RBFOX1: variants seen among roughly 807,000 people sequenced by gnomAD.
RBFOX1 encodes RNA binding protein fox-1 homolog 1.
Under a neutral mutation model 57.7 loss-of-function variants are expected in RBFOX1, and 8 were observed. That is an observed-to-expected ratio of 0.14 (90% CI 0.08 to 0.25). The LOEUF (loss-of-function observed/expected upper bound fraction) is 0.25, where lower values mean the gene tolerates loss of function less well. Among genes scored for constraint, RBFOX1 ranks in the 10% least tolerant of loss-of-function variants. The pLI, the probability that RBFOX1 is intolerant of heterozygous loss-of-function variation, is 1.00. For synonymous variants in RBFOX1, 326 were observed against 222.4 expected (o/e 1.47, Z -4.15); for missense variants, 611 against 548.5 (o/e 1.11, Z -1.14).
intron 2 of RBFOX1, among the ~76,000 whole-genome samples, chr16:5,476,612 A>G (rs1045304816): frequency 6.6e-6 from 1 of 152,238 alleles, no homozygotes; most frequent in South Asian, 2.1e-4. Flanking sequence ...GCAAAGTAAG[A>G]TAAATTAAGT....
At chr16:6,183,409 G>A (rs1384275647) in intron 1 of RBFOX1, among the ~76,000 whole-genome samples, 1 of 151,936 alleles carries the variant, frequency 6.6e-6, no homozygotes, top group Non-Finnish European at 1.5e-5. Flanking sequence ...GAACTCGGGA[G>A]GTGGAGGTTG....
chr16:7,411,516 A>G lies in RBFOX1; in HGVS notation c.28-106631A>G, dbSNP rs568744619. 9.3e-4 allele frequency among the ~76,000 whole-genome samples: 141 copies of G among 152,272 alleles called. 1 individual carries two copies. Among genetic ancestry groups the G allele is most frequent in the African/African-American group, 3.3e-3 (139 of 41,554 alleles). On this transcript the variant is annotated intron_variant, in intron 4 of 15. Transcript: ENST00000550418. ...TGGAATAACTCTTTTCTTCCCCCAA[A>G]TCTATAACCCCAGTCTAATTGTAAG...
chr16:6,071,501 C>G (rs558728724), intron 1 of RBFOX1, among the ~76,000 whole-genome samples: 101 of 151,614 alleles, frequency 6.7e-4, no homozygotes, highest in African/African-American at 2.4e-3. Flanking sequence ...TATAACAAAC[C>G]TGCATGTGTA....
At chr16:6,807,150 A>G (rs766700362) in intron 3 of RBFOX1, among the ~76,000 whole-genome samples, 10 of 151,740 alleles carry the variant, frequency 6.6e-5, no homozygotes, top group Non-Finnish European at 1.0e-4. Context: ...TTTCCTTTTA[A>G]TAAAACACTG....
At chr16:6,128,953 A>G (rs2096609825) in intron 1 of RBFOX1, among the ~76,000 whole-genome samples, 1 of 152,330 alleles carries the variant, frequency 6.6e-6, no homozygotes, top group South Asian at 2.1e-4. Flanking sequence ...CAAGATGGAA[A>G]CAGACCCACC....
At position 6,393,241 on chromosome 16, in the gene RBFOX1, C is replaced by G. The variant is rs552655589; in HGVS notation, c.-64+76184C>G. 1.4e-4 allele frequency among the ~76,000 whole-genome samples: 21 copies of G among 152,270 alleles called. 1 individual carries two copies. The South Asian group carries it at 3.9e-3, about 29-fold the overall frequency. On this transcript the variant is annotated intron_variant, in intron 2 of 15. Coordinates refer to ENST00000550418, the MANE Select transcript of RBFOX1 (RefSeq NM_018723.4). ...CATTTTTCTAAAACAAATTAAATGA[C>G]TCTGAGCATCCAGTCATTAGGGTTT... is the stretch of plus-strand genomic sequence containing the variant.
chr16:6,405,797 G>A (rs2093259664), intron 2 of RBFOX1, among the ~76,000 whole-genome samples: 1 of 152,206 alleles, frequency 6.6e-6, no homozygotes. Context: ...GTTTCAAGGA[G>A]TAGTGGCAGG....
At chr16:7,426,161 A>G (rs1448882037) in intron 4 of RBFOX1, among the ~76,000 whole-genome samples, 1 of 152,242 alleles carries the variant, frequency 6.6e-6, no homozygotes. Context: ...GGCAGGGTCT[A>G]CACCTTCCAG....
intron 3 of RBFOX1, among the ~76,000 whole-genome samples, chr16:6,869,015 A>G (rs1222056432): frequency 6.6e-6 from 1 of 152,190 alleles, no homozygotes; most frequent in Non-Finnish European, 1.5e-5. Flanking sequence ...CAAAAAACAA[A>G]AGTTCCAGCC....
chr16:6,807,501 C>A (rs1026734415), intron 3 of RBFOX1, among the ~76,000 whole-genome samples: 1 of 152,010 alleles, frequency 6.6e-6, no homozygotes, highest in Admixed American at 6.6e-5. Context: ...ACTAATGGGA[C>A]TTTGCTTGTC....
chr16:6,542,180 C>A (rs1239087864), intron 2 of RBFOX1, among the ~76,000 whole-genome samples: 2 of 152,266 alleles, frequency 1.3e-5, no homozygotes, highest in East Asian at 3.9e-4. Flanking sequence ...CCTGCGTCTG[C>A]CTCTCAAAGT....
intron 3 of RBFOX1, among the ~76,000 whole-genome samples, chr16:5,651,008 C>G (rs1317170322): frequency 1.4e-5 from 2 of 144,982 alleles, no homozygotes; most frequent in Non-Finnish European, 3.0e-5. Flanking sequence ...CTCCCTTTCT[C>G]TTCCCTTCCT....
chr16:7,049,746 T>A (rs1338580514), intron 3 of RBFOX1, among the ~76,000 whole-genome samples: 2 of 152,146 alleles, frequency 1.3e-5, no homozygotes, highest in Non-Finnish European at 2.9e-5. Context: ...CCCCATGCAT[T>A]CTATACAGAT....
At chr16:6,171,658 A>T (rs1163276529) in intron 1 of RBFOX1, among the ~76,000 whole-genome samples, 1 of 152,310 alleles carries the variant, frequency 6.6e-6, no homozygotes, top group East Asian at 1.9e-4. Context: ...TTTAGGTCCC[A>T]GCCTGGCCTA....
intron 4 of RBFOX1, among the ~76,000 whole-genome samples, chr16:7,350,540 TAA>T (rs975151223): frequency 1.3e-5 from 2 of 152,204 alleles, no homozygotes; most frequent in Non-Finnish European, 2.9e-5. Context: ...TGTATCATGT[TAA>T]AAGATTCCTC....
chr16:6,478,429 A>ATATTTTTTTT (rs1159954387), intron 2 of RBFOX1, among the ~76,000 whole-genome samples: 8 of 24,622 alleles, frequency 3.2e-4, no homozygotes, highest in Non-Finnish European at 5.5e-4. Context: ...ATATATATAT[A>ATATTTTTTTT]TTTTTTTTTT....
intron 2 of RBFOX1, among the ~76,000 whole-genome samples, chr16:6,358,258 G>T (rs947945288): frequency 3.9e-5 from 6 of 152,166 alleles, no homozygotes; most frequent in African/African-American, 1.4e-4. Context: ...ACTTTTAACA[G>T]TTTCTGGCAT....
chr16:5,293,249 G>A (rs534609530), intron 1 of RBFOX1, among the ~76,000 whole-genome samples: 5 of 152,102 alleles, frequency 3.3e-5, no homozygotes, highest in African/African-American at 4.8e-5. Context: ...TTGAACCTGG[G>A]AGGTGGAGGT....
At chr16:7,003,939 C>A (rs986732059) in intron 3 of RBFOX1, 4 of 144,076 alleles carry the variant, frequency 2.8e-5, no homozygotes, top group Non-Finnish European at 4.5e-5. Context: ...ATAAATTTAT[C>A]TGCTTTCTTT....
Sources: gnomAD v4.1 joint callset for allele counts (sites outside exome capture counted in the v4.1 genomes callset) on GRCh38, gnomAD v4.1.1 for gene constraint, MANE v1.5 for transcripts, NCBI Gene and HGNC (gene_info 2026-07-23, HGNC 2026-07-21) for gene names.